TSPOAP1: variants seen among roughly 807,000 people sequenced by gnomAD.
TSPOAP1 encodes peripheral-type benzodiazepine receptor-associated protein 1.
Under a neutral mutation model 197.0 loss-of-function variants are expected in TSPOAP1, and 87 were observed. The ratio of observed to expected loss-of-function variants is 0.44; its 90% CI spans 0.37 to 0.53. TSPOAP1 has a LOEUF of 0.53. Ranked by LOEUF, TSPOAP1 falls within the 20% of genes least tolerant of loss-of-function variation. The probability of loss-of-function intolerance (pLI) is 0.00; values close to 1 mark genes in which losing one functional copy is unlikely to be tolerated. For missense variants in TSPOAP1, 2,174 were observed against 2,411.3 expected (o/e 0.90, Z 2.06); for synonymous variants, 913 against 998.9 (o/e 0.91, Z 1.62).
In TSPOAP1 at chr17:58,316,479, G is replaced by A. The variant is rs61739511; in HGVS notation, c.1934C>T (p.Ala645Val). The A allele has an allele frequency of 4.3e-5, 69 of 1,613,688 alleles. No homozygotes were observed. The African/African-American group carries it at 6.1e-4, about 14-fold the overall frequency. ...EADSVSLLPA[A>V]PEGSRGGARI... ...GGCTCCTCCCCGGCTGCCCTCTGGCGCAGCTGGGAGCAGGGAGACACTGTC... is the reference window on the plus strand; with the variant it reads ...GGCTCCTCCCCGGCTGCCCTCTGGCACAGCTGGGAGCAGGGAGACACTGTC... Residue 645 changes from alanine to valine, a missense_variant, in exon 15 of 32, where the codon GCG becomes GTG. Coordinates refer to ENST00000343736, the MANE Select transcript of TSPOAP1 (RefSeq NM_004758.4).
rs1457350796 is a variant in TSPOAP1, at chr17:58,324,331, AG to A, written c.942+479del. On this transcript the variant is annotated intron_variant, in intron 5 of 31. Transcript: ENST00000343736. This position sits in a 1 kb window ranked among gnomAD's most constrained non-coding sequence, Gnocchi z 5.8. ...TGGCCCTCGAGACAGGGGCTGCCTAAGCCCCCCGCTCAGTGAGGGTTGCCTG... is the reference window on the plus strand; with the variant it reads ...TGGCCCTCGAGACAGGGGCTGCCTAACCCCCCGCTCAGTGAGGGTTGCCTG... 6.6e-6 allele frequency among the ~76,000 whole-genome samples: 1 copy of A among 152,142 alleles called. No individual in the cohort carries two copies. The highest frequency in any genetic ancestry group is 6.5e-5 in the Admixed American group (1 of 15,288).
chr17:58,327,479 G>A lies in TSPOAP1; in HGVS notation c.333+109C>T. The stretch of plus-strand genomic sequence containing the variant: ...ATGGACCCACAGACAGGCCAAGAGA[G>A]GACAGGTGGGCATTGGGGATGCATA... On this transcript the variant is annotated intron_variant, in intron 1 of 31. Coordinates refer to ENST00000343736, the MANE Select transcript of TSPOAP1 (RefSeq NM_004758.4). The A allele has an allele frequency of 7.2e-6, 8 of 1,107,962 alleles. No homozygotes were observed. The South Asian group carries it at 1.0e-4, about 14-fold the overall frequency. 68.6% of individuals were successfully genotyped at this position (1,107,962 alleles called of 1,614,324 possible). A position where few individuals can be genotyped will look rare whatever the true frequency, so the allele number is the denominator to read the frequency against.
chr17:58,311,875 G>T lies in TSPOAP1; in HGVS notation c.2929+17C>A. The T allele has an allele frequency of 6.6e-7, 1 of 1,518,326 alleles. No individual in the cohort carries two copies. The allele number at this position is 1,518,326 out of a possible 1,614,324, so 94.1% of individuals were successfully genotyped here. On this transcript the variant is annotated intron_variant, in intron 17 of 31. Coordinates refer to ENST00000343736, the MANE Select transcript of TSPOAP1 (RefSeq NM_004758.4). ...GCCTCCTGGGTGTTCTGGACAACAG[G>T]GCCCAAGCCCACATACCTGCTGGGA... is the stretch of plus-strand genomic sequence containing the variant.
At position 58,311,871 on chromosome 17, in the gene TSPOAP1, ACAGGGCC is replaced by A; in HGVS notation, c.2929+14_2929+20del. ...CCTGGCCTCCTGGGTGTTCTGGACA[ACAGGGCC>A]CAAGCCCACATACCTGCTGGGAGTG... On this transcript the variant is annotated intron_variant, in intron 17 of 31. Coordinates refer to ENST00000343736, the MANE Select transcript of TSPOAP1 (RefSeq NM_004758.4). The A allele has an allele frequency of 6.6e-7, 1 of 1,515,242 alleles. No homozygotes were observed. The highest frequency in any genetic ancestry group is 2.2e-5 in the Admixed American group (1 of 46,294). The allele number at this position is 1,515,242 out of a possible 1,614,324, so 93.9% of individuals were successfully genotyped here. A position where few individuals can be genotyped will look rare whatever the true frequency, so the allele number is the denominator to read the frequency against.
chr17:58,319,358 T>A, intron 12 of TSPOAP1, 64 bp from the exon 13 acceptor site: 1 of 1,493,270 alleles, frequency 6.7e-7, no homozygotes, highest in Non-Finnish European at 9.0e-7. Flanking sequence ...GCCCGTGCCA[T>A]CTGTACACAG....
intron 18 of TSPOAP1, 108 bp downstream of exon 18, chr17:58,311,462 CA>C: frequency 1.4e-6 from 2 of 1,459,548 alleles, no homozygotes; most frequent in Non-Finnish European, 1.8e-6. Context: ...TCATGGTACC[CA>C]AATGCCAGGG....
intron 20 of TSPOAP1, 47 bp downstream of exon 20, chr17:58,310,465 C>A: frequency 6.3e-7 from 1 of 1,598,162 alleles, no homozygotes. Context: ...GGTAGGGAGA[C>A]AGGCCTCAAT....
In TSPOAP1 at chr17:58,308,701, T is replaced by G; in HGVS notation, c.4571A>C (p.Asp1524Ala). 6.2e-7 allele frequency: 1 copy of G among 1,612,998 alleles called. No homozygotes were observed. The highest frequency in any genetic ancestry group is 8.5e-7 in the Non-Finnish European group (1 of 1,179,940). ...ISITSSCYPG[D>A]GEAWGTATVG... ...AGTTGCTGTGCCCCAGGCCTCCCCA[T>G]CTCCAGGGTAGCAGGAGCTGGTGAT... The change falls in exon 22 of 32, where the codon GAT becomes GCT. Residue 1524 changes from aspartate (D) to alanine (A), a missense_variant. By Grantham distance (126) the Asp-to-Ala change is moderately radical. This residue lies in a region of TSPOAP1 where 1,933 missense variants were observed against 2,139.0 expected (regional missense o/e 0.90). Coordinates refer to ENST00000343736, the MANE Select transcript of TSPOAP1 (RefSeq NM_004758.4).
At position 58,324,826 on chromosome 17, in the gene TSPOAP1, G is replaced by A. The variant is rs1971524885; in HGVS notation, c.927C>T (p.Pro309=). ...ALQARAGAPA[P]GAPGEATPQE... The stretch of plus-strand genomic sequence containing the variant: ...CGGCGCTCACCTCTCCCGGGGCCCC[G>A]GGAGCAGGCGCCCCTGCTCTGGCCT... The change falls in exon 5 of 32, where the codon CCC becomes CCT. Residue 309 remains proline (P), a synonymous_variant. Transcript: ENST00000343736. The surrounding 1 kb of genome is among the most constrained non-coding windows in gnomAD (Gnocchi z 5.8). 2.0e-6 allele frequency: 3 copies of A among 1,468,930 alleles called. No homozygotes were observed. The highest frequency in any genetic ancestry group is 2.5e-5 in the East Asian group (1 of 39,738). 91.0% of individuals were successfully genotyped at this position (1,468,930 alleles called of 1,614,324 possible). A position where few individuals can be genotyped will look rare whatever the true frequency, so the allele number is the denominator to read the frequency against.
chr17:58,310,806 C>T (rs538685965), intron 19 of TSPOAP1, 30 bp downstream of exon 19: 3 of 1,583,578 alleles, frequency 1.9e-6, no homozygotes, highest in African/African-American at 1.3e-5. Context: ...TGCCAGCCTG[C>T]ACCTGCTCCC....
chr17:58,322,463 A>G lies in TSPOAP1; in HGVS notation c.1318-51T>C. 2 of 1,591,096 alleles carry G rather than the reference A, an allele frequency of 1.3e-6. No homozygotes were observed. The highest frequency in any genetic ancestry group is 1.7e-6 in the Non-Finnish European group (2 of 1,172,156). On this transcript the variant is annotated intron_variant, in intron 9 of 31. Coordinates refer to ENST00000343736, the MANE Select transcript of TSPOAP1 (RefSeq NM_004758.4). The surrounding 1 kb of genome is among the most constrained non-coding windows in gnomAD (Gnocchi z 5.0). ...CCAGAGCCCCTACTTGGCCATTTCT[A>G]GAGAAGATCTAAGATGAGGAAGCCT...
In TSPOAP1 at chr17:58,309,353, C is replaced by T; in HGVS notation, c.3919G>A (p.Asp1307Asn). 6.2e-7 allele frequency: 1 copy of T among 1,612,544 alleles called. No homozygotes were observed. Among genetic ancestry groups the T allele is most frequent in the African/African-American group, 1.3e-5 (1 of 75,024 alleles). Reference protein sequence around the residue: ...KSQPDPFCETDSDEEILEQIL... With the variant: ...KSQPDPFCETNSDEEILEQIL... The stretch of plus-strand genomic sequence containing the variant: ...TGCTCCAAGATCTCCTCATCGCTGT[C>T]AGTCTCACAAAAGGGGTCGGGCTGG... The change falls in exon 22 of 32, where the codon GAC (aspartate) becomes AAC (asparagine). Residue 1307 changes from aspartate to asparagine, a missense_variant. Asp to Asn is a conservative substitution (Grantham distance 23). Around this residue, in one of 5 missense-constraint regions of TSPOAP1, gnomAD observed 1,933 missense variants for 2,139.0 expected, o/e 0.90. Coordinates refer to ENST00000343736, the MANE Select transcript of TSPOAP1 (RefSeq NM_004758.4). This position sits in a 1 kb window ranked among gnomAD's most constrained non-coding sequence, Gnocchi z 5.0.
At chr17:58,321,086 T>A (rs1971391930) in intron 10 of TSPOAP1, among the ~76,000 whole-genome samples, 1 of 152,110 alleles carries the variant, frequency 6.6e-6, no homozygotes, top group Non-Finnish European at 1.5e-5. Flanking sequence ...TGTATCCAAG[T>A]GCCTGTGGAC....
Position 58,322,861 on chromosome 17 carries a change from G to GCT in TSPOAP1, c.1194+87_1195-86dup. On this transcript the variant is annotated intron_variant, in intron 8 of 31. Coordinates refer to ENST00000343736, the MANE Select transcript of TSPOAP1 (RefSeq NM_004758.4). This position sits in a 1 kb window ranked among gnomAD's most constrained non-coding sequence, Gnocchi z 5.0. Reference sequence around the variant, plus strand: ...ACAGGGGGAACAGTACCCTACCCCTGCTCAGGGGTGGAGGAGAAAGCCCCT... The same window carrying GCT: ...ACAGGGGGAACAGTACCCTACCCCTGCTCTCAGGGGTGGAGGAGAAAGCCCCT... 1 of 1,603,696 alleles carries GCT rather than the reference G, an allele frequency of 6.2e-7. No homozygotes were observed. The highest frequency in any genetic ancestry group is 2.2e-5 in the East Asian group (1 of 44,658).
At chr17:58,321,696 T>C (rs1384961659) in intron 10 of TSPOAP1, among the ~76,000 whole-genome samples, 1 of 152,048 alleles carries the variant, frequency 6.6e-6, no homozygotes, top group Non-Finnish European at 1.5e-5. Flanking sequence ...ACCATCTCCC[T>C]CCCAGGCCAC....
rs758536114 is a variant in TSPOAP1, at chr17:58,312,074, T to C, written c.2747A>G (p.Asn916Ser). Residue 916 changes from asparagine to serine, a missense_variant, in exon 17 of 32, where the codon AAT (asparagine) becomes AGT (serine). Physicochemically the swap from Asn to Ser is conservative, Grantham distance 46. Around this residue, in one of 5 missense-constraint regions of TSPOAP1, gnomAD observed 1,933 missense variants for 2,139.0 expected, o/e 0.90. Coordinates refer to ENST00000343736, the MANE Select transcript of TSPOAP1 (RefSeq NM_004758.4). ...GCTGGCAGGTGGGCACTCTTCCCCA[T>C]TGAGGTAGATGGCATGGGCCAAGTT... Reference protein sequence around the residue: ...NSNLAHAIYLNGEECPPASPS... With the variant: ...NSNLAHAIYLSGEECPPASPS... 4.5e-5 allele frequency: 73 copies of C among 1,613,222 alleles called. No homozygotes were observed. Among genetic ancestry groups the C allele is most frequent in the Non-Finnish European group, 5.9e-5 (70 of 1,179,958 alleles).
chr17:58,326,361 C>T lies in TSPOAP1; in HGVS notation c.502G>A (p.Glu168Lys), dbSNP rs1311714696. 3.7e-6 allele frequency: 6 copies of T among 1,613,956 alleles called. No individual in the cohort carries two copies. The highest frequency in any genetic ancestry group is 3.3e-5 in the South Asian group (3 of 91,086). The change falls in exon 3 of 32, where the codon GAG becomes AAG. Residue 168 changes from glutamate to lysine, a missense_variant. By Grantham distance (56) the Glu-to-Lys change is moderately conservative. This residue lies in a region of TSPOAP1 where 1,933 missense variants were observed against 2,139.0 expected (regional missense o/e 0.90). Transcript: ENST00000343736. This position sits in a 1 kb window ranked among gnomAD's most constrained non-coding sequence, Gnocchi z 4.7. ...KVRRLKRKNA[E>K]LAVIAKRLEE... Reference sequence around the variant, plus strand: ...AGGCGCTTGGCAATGACCGCCAGCTCGGCGTTCTTCCTCTTCAGCCTCCGC... The same window carrying T: ...AGGCGCTTGGCAATGACCGCCAGCTTGGCGTTCTTCCTCTTCAGCCTCCGC...
intron 14 of TSPOAP1, 104 bp downstream of exon 14, chr17:58,318,176 A>T (rs557516084): frequency 5.1e-6 from 7 of 1,384,246 alleles, no homozygotes; most frequent in Non-Finnish European, 6.9e-6. Context: ...GGACCCCAGA[A>T]GTTGCCACCC....
In TSPOAP1 at chr17:58,307,882, C is replaced by T. The variant is rs573275619; in HGVS notation, c.4791G>A (p.Lys1597=). 16 of 1,613,656 alleles carry T rather than the reference C, an allele frequency of 9.9e-6. No homozygotes were observed. The South Asian group carries it at 1.8e-4, about 18-fold the overall frequency. ...QDGSGRRGPQ[K]RGVRVLRPST... The stretch of plus-strand genomic sequence containing the variant: ...TTGGCCTGAGGACTCGGACACCTCT[C>T]TTCTGGGGGCCCCTCCGCCCAGAGC... The change falls in exon 23 of 32, where the codon AAG becomes AAA. Residue 1597 remains lysine, a synonymous_variant. Transcript: ENST00000343736.
Sources: allele counts gnomAD v4.1 joint callset (sites outside exome capture counted in the v4.1 genomes callset), GRCh38; gene constraint gnomAD v4.1.1; regional missense constraint gnomAD v4.1.1; non-coding constraint Gnocchi (gnomAD v3.1); transcripts MANE v1.5; gene names NCBI Gene and HGNC (gene_info 2026-07-23, HGNC 2026-07-21).